Variants in OR6C6 observed in about 807,000 individuals in gnomAD.
The protein encoded by OR6C6 is olfactory receptor family 6 subfamily C member 6.
For synonymous variants in OR6C6, 140 were observed against 135.2 expected (o/e 1.04, Z -0.25); for missense variants, 411 against 366.8 (o/e 1.12, Z -0.98).
At position 55,294,510 on chromosome 12, in the gene OR6C6, G is replaced by A; in HGVS notation, c.723C>T (p.Ser241=). The change falls in exon 2 of 2, where the codon TCC becomes TCT. Residue 241 remains serine, a synonymous_variant. Coordinates refer to ENST00000358433, the MANE Select transcript of OR6C6 (RefSeq NM_001005493.2). ...ATGTCATGGAGACAACAATCATGTG[G>A]GAAGTACAGGTGGAAAATGCTTTGT... ...QRNKAFSTCT[S]HMIVVSMTYG... 4.3e-6 allele frequency: 7 copies of A among 1,613,588 alleles called. No homozygotes were observed. The highest frequency in any genetic ancestry group is 4.5e-5 in the East Asian group (2 of 44,862).
At position 55,294,806 on chromosome 12, in the gene OR6C6, CAAGTTGGT is replaced by C. The variant is rs770356780; in HGVS notation, c.419_426del (p.Tyr140CysfsTer3). 41 of 1,613,950 alleles carry C rather than the reference CAAGTTGGT, an allele frequency of 2.5e-5. No homozygotes were observed. The highest frequency in any genetic ancestry group is 3.2e-5 in the Non-Finnish European group (38 of 1,180,006). On this transcript the variant is annotated frameshift_variant, in exon 2 of 2. Coordinates refer to ENST00000358433, the MANE Select transcript of OR6C6 (RefSeq NM_001005493.2). LOFTEE classifies it low-confidence loss of function (END_TRUNC). ...AATCCAGTTACCCAAGAGCTAAGTA[CAAGTTGGT>C]AGCAGACTTTGCTGCTCATAATGAT...
intron 1 of OR6C6, among the ~76,000 whole-genome samples, chr12:55,295,906 A>T (rs1254593590): frequency 6.6e-6 from 1 of 152,016 alleles, no homozygotes; most frequent in Non-Finnish European, 1.5e-5. Context: ...ATATTTTAAT[A>T]AAAAATTGTG....
At position 55,295,119 on chromosome 12, in the gene OR6C6, C is replaced by T. The variant is rs1184370963; in HGVS notation, c.114G>A (p.Met38Ile). ...FLFLNYTLSL[M>I]GNLIIIILTL... is the part of the protein sequence containing the mutation. The stretch of plus-strand genomic sequence containing the variant: ...TGAGGATGATGATGATTAAGTTCCC[C>T]ATCAGGCTCAAGGTGTAGTTGAGAA... Residue 38 changes from methionine to isoleucine, a missense_variant, in exon 2 of 2, where the codon ATG (methionine) becomes ATA (isoleucine). Coordinates refer to ENST00000358433, the MANE Select transcript of OR6C6 (RefSeq NM_001005493.2). 1 of 1,613,852 alleles carries T rather than the reference C, an allele frequency of 6.2e-7. No individual in the cohort carries two copies. Among genetic ancestry groups the T allele is most frequent in the Non-Finnish European group, 8.5e-7 (1 of 1,179,890 alleles).
intron 1 of OR6C6, 51 bp from the exon 2 acceptor site, chr12:55,295,308 T>TAAA: frequency 2.8e-6 from 2 of 708,434 alleles, no homozygotes; most frequent in Non-Finnish European, 4.5e-6. Context: ...CATATATGTA[T>TAAA]TTCTAAAGCA....
At chr12:55,295,905 TA>T (rs1483133492) in intron 1 of OR6C6, among the ~76,000 whole-genome samples, 1 of 151,966 alleles carries the variant, frequency 6.6e-6, no homozygotes, top group Non-Finnish European at 1.5e-5. Context: ...TATATTTTAA[TA>T]AAAAATTGTG....
intron 1 of OR6C6, 91 bp from the exon 2 acceptor site, chr12:55,295,348 T>C (rs917876748): frequency 3.5e-6 from 2 of 575,204 alleles, no homozygotes; most frequent in Non-Finnish European, 5.8e-6. Context: ...AATTTATCCA[T>C]GTGCAAATGG....
Position 55,294,192 on chromosome 12 carries a change from T to C in OR6C6, c.*96A>G, listed in dbSNP as rs1016921287. ...AACTCCTGACCTCAGGTAACCACCCTCCTCAGCCTCCCAAAGTGCTGTGAT... is the reference window on the plus strand; with the variant it reads ...AACTCCTGACCTCAGGTAACCACCCCCCTCAGCCTCCCAAAGTGCTGTGAT... On this transcript the variant is annotated 3_prime_UTR_variant, in exon 2 of 2. Transcript: ENST00000358433. 4.3e-5 allele frequency: 31 copies of C among 715,012 alleles called. No homozygotes were observed. The highest frequency in any genetic ancestry group is 7.3e-5 in the Non-Finnish European group (31 of 424,882). 44.3% of individuals were successfully genotyped at this position (715,012 alleles called of 1,614,324 possible).
In OR6C6 at chr12:55,296,569, C is replaced by G. The variant is rs1307021650; in HGVS notation, c.-276G>C. 4 of 151,958 alleles carry G rather than the reference C, an allele frequency of 2.6e-5. No individual in the cohort carries two copies. The highest frequency in any genetic ancestry group is 5.9e-5 in the Non-Finnish European group (4 of 67,930). The allele number at this position is 151,958 out of a possible 1,614,324, so 9.4% of individuals were successfully genotyped here. On this transcript the variant is annotated 5_prime_UTR_variant, in exon 1 of 2. Transcript: ENST00000358433. ...ATTAATAATTTTAATGGACATCTAT[C>G]TTTCATTCCAAGTAACTTAAACTTT...
Position 55,294,135 on chromosome 12 carries a change from G to T in OR6C6, c.*153C>A. 1.8e-6 allele frequency: 1 copy of T among 544,026 alleles called. No individual in the cohort carries two copies. The highest frequency in any genetic ancestry group is 2.2e-5 in the South Asian group (1 of 45,398). The allele number at this position is 544,026 out of a possible 1,614,324, so 33.7% of individuals were successfully genotyped here. ...AATTTTTGTACTTTTAAGTAGAGAC[G>T]GGGTTTCACCATGTTGGCCAGGCTG... On this transcript the variant is annotated 3_prime_UTR_variant, in exon 2 of 2. Coordinates refer to ENST00000358433, the MANE Select transcript of OR6C6 (RefSeq NM_001005493.2).
At position 55,295,202 on chromosome 12, in the gene OR6C6, T is replaced by C. The variant is rs987084838; in HGVS notation, c.31A>G (p.Ile11Val). 8 of 1,609,872 alleles carry C rather than the reference T, an allele frequency of 5.0e-6. No homozygotes were observed. Among genetic ancestry groups the C allele is most frequent in the Admixed American group, 3.4e-5 (2 of 59,624 alleles). The change falls in exon 2 of 2, where the codon ATT (isoleucine) becomes GTT (valine). Residue 11 changes from isoleucine (I) to valine (V), a missense_variant. Coordinates refer to ENST00000358433, the MANE Select transcript of OR6C6 (RefSeq NM_001005493.2). MKNKSMEIEF[I>V]LLGLTDDPQL... ...GGGTCATCTGTCAATCCTAGGAGAA[T>C]GAACTCTATTTCCATTGATTTGTTC...
Position 55,294,780 on chromosome 12 carries a change from G to A in OR6C6, c.453C>T (p.Phe151=). The change falls in exon 2 of 2, where the codon TTC becomes TTT. Residue 151 remains phenylalanine (F), a synonymous_variant. Transcript: ENST00000358433. ...TGACCAATGGGGGAAATATGATTAA[G>A]AATCCAGTTACCCAAGAGCTAAGTA... ...QLVLSSWVTG[F]LIIFPPLVMG... The A allele has an allele frequency of 6.2e-7, 1 of 1,614,072 alleles. No homozygotes were observed. Among genetic ancestry groups the A allele is most frequent in the Non-Finnish European group, 8.5e-7 (1 of 1,179,980 alleles).
At position 55,295,289 on chromosome 12, in the gene OR6C6, A is replaced by AT. The variant is rs1325690403; in HGVS notation, c.-25-33dup. The AT allele has an allele frequency of 6.3e-6, 5 of 797,202 alleles. No homozygotes were observed. In the African/African-American group the frequency reaches 8.8e-5, roughly 14 times the overall value. 49.4% of individuals were successfully genotyped at this position (797,202 alleles called of 1,614,324 possible). A position where few individuals can be genotyped will look rare whatever the true frequency, so the allele number is the denominator to read the frequency against. On this transcript the variant is annotated intron_variant, in intron 1 of 1. Coordinates refer to ENST00000358433, the MANE Select transcript of OR6C6 (RefSeq NM_001005493.2). ...AGAAAGGGAAAAACAAAATTTATAC[A>AT]TATATATACATATATGTATTTCTAA...
chr12:55,294,581 A>T lies in OR6C6; in HGVS notation c.652T>A (p.Cys218Ser), dbSNP rs763502793. The change falls in exon 2 of 2, where the codon TGC becomes AGC. Residue 218 changes from cysteine to serine, a missense_variant. Coordinates refer to ENST00000358433, the MANE Select transcript of OR6C6 (RefSeq NM_001005493.2). ...TLVLVILSYT[C>S]IIKTILKFSS... ...AATTTCAGAATGGTCTTAATAATGCAAGTGTAAGAGAGAATCACTAATACC... is the reference window on the plus strand; with the variant it reads ...AATTTCAGAATGGTCTTAATAATGCTAGTGTAAGAGAGAATCACTAATACC... The T allele has an allele frequency of 6.2e-7, 1 of 1,614,130 alleles. No individual in the cohort carries two copies. Among genetic ancestry groups the T allele is most frequent in the Non-Finnish European group, 8.5e-7 (1 of 1,180,004 alleles).
rs745703094 is a variant in OR6C6 at position 55,294,289 on chromosome 12, T to TA, written c.943dup (p.Ter315LeufsTer25). 6.4e-7 allele frequency: 1 copy of TA among 1,560,522 alleles called. No homozygotes were observed. Among genetic ancestry groups the TA allele is most frequent in the African/African-American group, 1.4e-5 (1 of 73,230 alleles). On this transcript the variant is annotated frameshift_variant and stop_lost, in exon 2 of 2. Coordinates refer to ENST00000358433, the MANE Select transcript of OR6C6 (RefSeq NM_001005493.2). LOFTEE classifies it high-confidence loss of function. Reference sequence around the variant, plus strand: ...AAAGTTGTAATTTGTAGCAGATTCTTAAAATGGTCTTTTAGAAAAACACAA... The same window carrying TA: ...AAAGTTGTAATTTGTAGCAGATTCTTAAAAATGGTCTTTTAGAAAAACACAA...
chr12:55,295,199 G>C lies in OR6C6; in HGVS notation c.34C>G (p.Leu12Val). ...TGTGGGTCATCTGTCAATCCTAGGA[G>C]AATGAACTCTATTTCCATTGATTTG... ...KNKSMEIEFI[L>V]LGLTDDPQLQ... is the part of the protein sequence containing the mutation. The change falls in exon 2 of 2, where the codon CTC becomes GTC. Residue 12 changes from leucine to valine, a missense_variant. Physicochemically the swap from Leu to Val is conservative, Grantham distance 32 (BLOSUM62 1). Transcript: ENST00000358433. The C allele has an allele frequency of 6.2e-7, 1 of 1,609,712 alleles. No homozygotes were observed. The highest frequency in any genetic ancestry group is 8.5e-7 in the Non-Finnish European group (1 of 1,177,002).
intron 1 of OR6C6, among the ~76,000 whole-genome samples, chr12:55,295,472 A>T (rs2120399735): frequency 6.6e-6 from 1 of 152,208 alleles, no homozygotes; most frequent in African/African-American, 2.4e-5. Context: ...TTCTTCCAGA[A>T]CTTGAATAAT....
In OR6C6 at chr12:55,294,993, C is replaced by G; in HGVS notation, c.240G>C (p.Leu80Phe). ...TTTTGTCTCTAGTCACAATGGTTAT[C>G]AAGAATCTAGGAATACACACTGTTG... is the stretch of plus-strand genomic sequence containing the variant. ...IFTTVCIPRF[L>F]ITIVTRDKTI... Residue 80 changes from leucine (L) to phenylalanine (F), a missense_variant, in exon 2 of 2, where the codon TTG (leucine) becomes TTC (phenylalanine). Coordinates refer to ENST00000358433, the MANE Select transcript of OR6C6 (RefSeq NM_001005493.2). 1 of 1,613,374 alleles carries G rather than the reference C, an allele frequency of 6.2e-7. No homozygotes were observed. The highest frequency in any genetic ancestry group is 1.1e-5 in the South Asian group (1 of 91,054).
Position 55,294,574 on chromosome 12 carries a change from A to G in OR6C6, c.659T>C (p.Ile220Thr), listed in dbSNP as rs1464997648. The G allele has an allele frequency of 1.2e-6, 2 of 1,614,140 alleles. No homozygotes were observed. Among genetic ancestry groups the G allele is most frequent in the East Asian group, 2.2e-5 (1 of 44,872 alleles). ...AGAAGAGAATTTCAGAATGGTCTTAATAATGCAAGTGTAAGAGAGAATCAC... is the reference window on the plus strand; with the variant it reads ...AGAAGAGAATTTCAGAATGGTCTTAGTAATGCAAGTGTAAGAGAGAATCAC... ...VLVILSYTCI[I>T]KTILKFSSAQ... Residue 220 changes from isoleucine to threonine, a missense_variant, in exon 2 of 2, where the codon ATT (isoleucine) becomes ACT (threonine). Physicochemically the swap from Ile to Thr is moderately conservative, Grantham distance 89. Coordinates refer to ENST00000358433, the MANE Select transcript of OR6C6 (RefSeq NM_001005493.2).
In OR6C6 at chr12:55,294,741, C is replaced by T. The variant is rs267603561; in HGVS notation, c.492G>A (p.Leu164=). Residue 164 remains leucine (L), a synonymous_variant, in exon 2 of 2, where the codon CTG becomes CTA. Coordinates refer to ENST00000358433, the MANE Select transcript of OR6C6 (RefSeq NM_001005493.2). ...IFPPLVMGLK[L]DFCASKTIDH... ...CAATAGTTTTGGAAGCACAAAAATCCAGCTTGAGTCCCATGACCAATGGGG... is the reference window on the plus strand; with the variant it reads ...CAATAGTTTTGGAAGCACAAAAATCTAGCTTGAGTCCCATGACCAATGGGG... 9 of 1,613,902 alleles carry T rather than the reference C, an allele frequency of 5.6e-6. No homozygotes were observed. In the Admixed American group the frequency reaches 1.5e-4, roughly 27 times the overall value.
Sources: gnomAD v4.1 joint callset for allele counts (sites outside exome capture counted in the v4.1 genomes callset) on GRCh38, gnomAD v4.1.1 for gene constraint, MANE v1.5 for transcripts, NCBI Gene and HGNC (gene_info 2026-07-23, HGNC 2026-07-21) for gene names.